Variants in RBM6 observed in about 807,000 individuals in gnomAD.
RBM6 encodes the protein RNA-binding protein 6.
In RBM6, 23 loss-of-function variants were observed where a neutral mutation model predicts 140.4. The observed-to-expected ratio is 0.16, with a 90% CI of 0.12 to 0.23. The LOEUF is 0.23. Among genes scored for constraint, RBM6 ranks in the 10% least tolerant of loss-of-function variants. The pLI is 1.00. For synonymous variants in RBM6, 439 were observed against 475.6 expected (o/e 0.92, Z 1.00); for missense variants, 1,139 against 1,386.7 (o/e 0.82, Z 2.84).
chr3:49,957,572 A>G (rs1389406701), intron 1 of RBM6, among the ~76,000 whole-genome samples: 2 of 152,162 alleles, frequency 1.3e-5, no homozygotes, highest in Non-Finnish European at 2.9e-5. Context: ...TCTCACAGTT[A>G]TAATCTAATT....
intron 18 of RBM6, among the ~76,000 whole-genome samples, chr3:50,069,041 T>C (rs2090205835): frequency 6.6e-6 from 1 of 152,198 alleles, no homozygotes; most frequent in Admixed American, 6.5e-5. Context: ...GCTTTTAAAT[T>C]AGTTGAGTTA....
chr3:50,000,254 G>A (rs2086260441), intron 6 of RBM6, among the ~76,000 whole-genome samples: 1 of 151,796 alleles, frequency 6.6e-6, no homozygotes, highest in African/African-American at 2.4e-5. Flanking sequence ...GTGCTTCCTT[G>A]GGGAAAGTTG....
At chr3:49,970,757 G>A (rs568832033) in intron 3 of RBM6, among the ~76,000 whole-genome samples, 1 of 152,170 alleles carries the variant, frequency 6.6e-6, no homozygotes, top group African/African-American at 2.4e-5. Flanking sequence ...TGCTTTAGGA[G>A]GCTGAGGTGG....
chr3:49,982,692 A>T (rs892346428), intron 5 of RBM6, among the ~76,000 whole-genome samples: 1 of 151,320 alleles, frequency 6.6e-6, no homozygotes, highest in Non-Finnish European at 1.5e-5. Context: ...TGCTGGGATT[A>T]CAGGTGTGAG....
In RBM6 at chr3:50,066,349, A is replaced by T. The variant is rs2090121581; in HGVS notation, c.2790A>T (p.Thr930=). The part of the protein sequence containing the change: ...EEQTPPPQPR[T]AQPQKREEQT... ...AGACCCCTCCCCCACAGCCCCGCAC[A>T]GCACAGCCCCAGAAGCGAGAGGAGC... Residue 930 remains threonine, a synonymous_variant, in exon 17 of 21, where the codon ACA becomes ACT. Coordinates refer to ENST00000266022, the MANE Select transcript of RBM6 (RefSeq NM_005777.3). 6.2e-7 allele frequency: 1 copy of T among 1,614,004 alleles called. No homozygotes were observed. Among genetic ancestry groups the T allele is most frequent in the Non-Finnish European group, 8.5e-7 (1 of 1,180,040 alleles).
intron 6 of RBM6, among the ~76,000 whole-genome samples, chr3:50,026,901 C>CA (rs139771207): frequency 0.046 from 5,454 of 118,646 alleles, 396 homozygotes; most frequent in African/African-American, 0.14. Context: ...CTTGTCTCAC[C>CA]AAAAAAAAAA....
chr3:50,017,334 G>C (rs150490645), intron 6 of RBM6, among the ~76,000 whole-genome samples: 11,430 of 152,126 alleles, frequency 0.075, 655 homozygotes, highest in Non-Finnish European at 0.12. Context: ...GAGGCGGGTG[G>C]ATCACGAGGT....
At chr3:49,999,309 A>G in intron 5 of RBM6, 131 bp from the exon 6 acceptor site, 1 of 697,578 alleles carries the variant, frequency 1.4e-6, no homozygotes, top group Non-Finnish European at 2.6e-6. Context: ...AACTTTACCT[A>G]GTGTAGGGGA....
At chr3:50,023,984 CACTT>C (rs1402811569) in intron 6 of RBM6, among the ~76,000 whole-genome samples, 1 of 152,084 alleles carries the variant, frequency 6.6e-6, no homozygotes, top group Non-Finnish European at 1.5e-5. Flanking sequence ...TATTCAAATT[CACTT>C]ACAGGACCAA....
chr3:49,986,984 A>G (rs1055396936), intron 5 of RBM6, among the ~76,000 whole-genome samples: 1 of 152,002 alleles, frequency 6.6e-6, no homozygotes, highest in Non-Finnish European at 1.5e-5. Context: ...AGGTTTTGCC[A>G]TGTTGCCCAG....
intron 5 of RBM6, among the ~76,000 whole-genome samples, chr3:49,993,425 C>T (rs2624832): frequency 0.35 from 53,878 of 151,988 alleles, 10,191 homozygotes; most frequent in Non-Finnish European, 0.44. Context: ...GTGGATAACT[C>T]GAGGTTAGGA....
At chr3:50,026,644 AAAAAG>A (rs1243855763) in intron 6 of RBM6, among the ~76,000 whole-genome samples, 1 of 151,656 alleles carries the variant, frequency 6.6e-6, no homozygotes, top group African/African-American at 2.4e-5. Flanking sequence ...CAAAAAAAAA[AAAAAG>A]AAAAAAAAAT....
chr3:50,032,012 G>A (rs939550432), intron 6 of RBM6, among the ~76,000 whole-genome samples: 17 of 152,080 alleles, frequency 1.1e-4, no homozygotes, highest in African/African-American at 1.7e-4. Context: ...ACTTTTGAGC[G>A]TTTCAAGCAT....
chr3:50,008,261 A>G (rs1468376573), intron 6 of RBM6, among the ~76,000 whole-genome samples: 4 of 152,236 alleles, frequency 2.6e-5, no homozygotes, highest in Admixed American at 6.5e-5. Flanking sequence ...TATGTGTCCT[A>G]CAATGGGTTT....
At position 49,975,242 on chromosome 3, in the gene RBM6, G is replaced by C. The variant is rs967992803; in HGVS notation, c.1414-81G>C. On this transcript the variant is annotated intron_variant, in intron 4 of 20. Coordinates refer to ENST00000266022, the MANE Select transcript of RBM6 (RefSeq NM_005777.3). Reference sequence around the variant, plus strand: ...GTAATCATGGCTTTAAATTATGTATGATAAAAACTGTTAGGGAAAATCTGA... The same window carrying C: ...GTAATCATGGCTTTAAATTATGTATCATAAAAACTGTTAGGGAAAATCTGA... 11 of 1,219,516 alleles carry C rather than the reference G, an allele frequency of 9.0e-6. No homozygotes were observed. The African/African-American group carries it at 1.6e-4, about 18-fold the overall frequency. The allele number at this position is 1,219,516 out of a possible 1,614,324, so 75.5% of individuals were successfully genotyped here. A position where few individuals can be genotyped will look rare whatever the true frequency, so the allele number is the denominator to read the frequency against.
chr3:49,990,250 A>G (rs2085759742), intron 5 of RBM6, among the ~76,000 whole-genome samples: 1 of 152,208 alleles, frequency 6.6e-6, no homozygotes, highest in Non-Finnish European at 1.5e-5. Context: ...CCTACTATAC[A>G]GCTAGGCTAT....
chr3:49,942,008 G>T (rs2083303336), intron 1 of RBM6, among the ~76,000 whole-genome samples: 1 of 151,114 alleles, frequency 6.6e-6, no homozygotes, highest in Non-Finnish European at 1.5e-5. Context: ...GGCTGAGATG[G>T]AAAAATCGCT....
chr3:50,007,538 C>CT lies in RBM6; in HGVS notation c.1557+8037dup, dbSNP rs111809952. On this transcript the variant is annotated intron_variant, in intron 6 of 20. Coordinates refer to ENST00000266022, the MANE Select transcript of RBM6 (RefSeq NM_005777.3). ...CCTTCAAGAGAGAATCTTAAATTTT[C>CT]TTTTTTTTTTTTGAGACAGAGTCTG... Among the ~76,000 whole-genome samples, 810 of 139,570 alleles carry CT rather than the reference C, an allele frequency of 5.8e-3. 4 individuals are homozygous for CT. Among genetic ancestry groups the CT allele is most frequent in the African/African-American group, 0.013 (507 of 38,320 alleles). The allele number at this position is 139,570 out of a possible 152,430, so 91.6% of individuals were successfully genotyped here.
chr3:49,948,009 G>C (rs1230027882), intron 1 of RBM6, among the ~76,000 whole-genome samples: 1 of 152,038 alleles, frequency 6.6e-6, no homozygotes, highest in Non-Finnish European at 1.5e-5. Context: ...CAGGAGAATC[G>C]CTTGAACTGG....
Sources: gnomAD v4.1 joint callset for allele counts (sites outside exome capture counted in the v4.1 genomes callset) on GRCh38, gnomAD v4.1.1 for gene constraint, MANE v1.5 for transcripts, NCBI Gene and HGNC (gene_info 2026-07-23, HGNC 2026-07-21) for gene names.